The following PLCE1 variants were observed in gnomAD, a reference collection of about 807,000 sequenced individuals.
The protein encoded by PLCE1 is 1-phosphatidylinositol 4,5-bisphosphate phosphodiesterase epsilon-1.
In PLCE1, 119 loss-of-function variants were observed where a neutral mutation model predicts 242.8. That is an observed-to-expected ratio of 0.49 (90% CI 0.42 to 0.57). The LOEUF (loss-of-function observed/expected upper bound fraction) is 0.57. PLCE1 is among the 20% of genes least tolerant of loss of function. The pLI, the probability that PLCE1 is intolerant of heterozygous loss-of-function variation, is 0.00. For synonymous variants in PLCE1, 945 were observed against 1,017.4 expected (o/e 0.93, Z 1.35); for missense variants, 2,441 against 2,788.8 (o/e 0.88, Z 2.81).
chr10:94,036,763 T>G (rs1008933272), intron 2 of PLCE1, among the ~76,000 whole-genome samples: 1 of 152,122 alleles, frequency 6.6e-6, no homozygotes. Context: ...TAGATACATA[T>G]AGTTATCTTG....
Position 94,298,684 on chromosome 10 carries a change from T to A in PLCE1, c.5458+15T>A. 6.2e-7 allele frequency: 1 copy of A among 1,613,686 alleles called. No individual in the cohort carries two copies. Among genetic ancestry groups the A allele is most frequent in the Non-Finnish European group, 8.5e-7 (1 of 1,179,636 alleles). On this transcript the variant is annotated intron_variant, in intron 24 of 32. Transcript: ENST00000371380. This position sits in a 1 kb window ranked among gnomAD's most constrained non-coding sequence, Gnocchi z 5.2. ...CCAGACTGATGGTAAGGGGCCTGCA[T>A]GCTCACCTCGCTCCTTTGCATCTTA... is the stretch of plus-strand genomic sequence containing the variant.
In PLCE1 at chr10:94,298,243, C is replaced by A; in HGVS notation, c.5168-136C>A. 1.3e-6 allele frequency: 1 copy of A among 782,478 alleles called. No individual in the cohort carries two copies. The highest frequency in any genetic ancestry group is 1.7e-5 in the African/African-American group (1 of 58,054). The allele number at this position is 782,478 out of a possible 1,614,324, so 48.5% of individuals were successfully genotyped here. On this transcript the variant is annotated intron_variant, in intron 23 of 32. Coordinates refer to ENST00000371380, the MANE Select transcript of PLCE1 (RefSeq NM_016341.4). The surrounding 1 kb of genome is among the most constrained non-coding windows in gnomAD (Gnocchi z 5.2). ...GTTGTTTTAAAGTGGCGAACTAACT[C>A]ACAAGTAAAATCCAAGAGGTATTCT... is the stretch of plus-strand genomic sequence containing the variant.
intron 2 of PLCE1, among the ~76,000 whole-genome samples, chr10:94,087,679 G>A (rs1256322206): frequency 6.6e-6 from 1 of 152,084 alleles, no homozygotes; most frequent in South Asian, 2.1e-4. Flanking sequence ...CTGACCTCAA[G>A]CCATCCTCCC....
At chr10:94,294,131 A>G (rs1203069449) in intron 23 of PLCE1, among the ~76,000 whole-genome samples, 1 of 152,192 alleles carries the variant, frequency 6.6e-6, no homozygotes, top group African/African-American at 2.4e-5. Context: ...AAATTAAAAA[A>G]TAAAAATAAC....
chr10:94,322,184 T>C, intron 30 of PLCE1, 125 bp downstream of exon 30: 6 of 893,338 alleles, frequency 6.7e-6, no homozygotes, highest in Non-Finnish European at 1.1e-5. Flanking sequence ...CAAAGGGGAG[T>C]GTGTGCCTCT....
chr10:94,162,765 T>A (rs2047659725), intron 3 of PLCE1, among the ~76,000 whole-genome samples: 1 of 152,224 alleles, frequency 6.6e-6, no homozygotes, highest in African/African-American at 2.4e-5. Flanking sequence ...CAATTTTAGA[T>A]CTTTCCTGCT....
Position 94,306,705 on chromosome 10 carries a change from C to T in PLCE1, c.5884+17C>T. ...TAAAACGAGGTAGAATAAAATTGTC[C>T]AAATGTTAATAATTGTTGTAGCTAG... On this transcript the variant is annotated intron_variant, in intron 26 of 32. Transcript: ENST00000371380. The surrounding 1 kb of genome is among the most constrained non-coding windows in gnomAD (Gnocchi z 5.7). 1 of 1,594,542 alleles carries T rather than the reference C, an allele frequency of 6.3e-7. No homozygotes were observed. The highest frequency in any genetic ancestry group is 8.6e-7 in the Non-Finnish European group (1 of 1,164,506).
chr10:94,227,973 A>G (rs918086353), intron 5 of PLCE1, among the ~76,000 whole-genome samples: 8 of 152,234 alleles, frequency 5.3e-5, no homozygotes, highest in Non-Finnish European at 5.9e-5. Flanking sequence ...TTAATTCTCA[A>G]AACAGGTTTA....
rs367701895 is a variant in PLCE1 at position 94,324,996 on chromosome 10, C to T, written c.6825C>T (p.Leu2275=). 1.2e-6 allele frequency: 2 copies of T among 1,614,220 alleles called. No homozygotes were observed. Among genetic ancestry groups the T allele is most frequent in the Non-Finnish European group, 1.7e-6 (2 of 1,180,016 alleles). The change falls in exon 32 of 33, where the codon CTC becomes CTT. Residue 2275 remains leucine (L), a synonymous_variant. Coordinates refer to ENST00000371380, the MANE Select transcript of PLCE1 (RefSeq NM_016341.4). The part of the protein sequence containing the change: ...QPRGLTSPSQ[L]LTSESIQTKE... ...GAGGACTTACATCACCTTCTCAGCT[C>T]TTGACCTCAGAAAGTATCCAAACCA...
At chr10:94,130,140 G>A (rs2046553968) in intron 2 of PLCE1, among the ~76,000 whole-genome samples, 1 of 152,242 alleles carries the variant, frequency 6.6e-6, no homozygotes, top group Non-Finnish European at 1.5e-5. Flanking sequence ...ATGGGACTTA[G>A]TGTGTTGGAG....
chr10:94,051,274 G>A (rs1026645889), intron 2 of PLCE1, among the ~76,000 whole-genome samples: 2 of 106,288 alleles, frequency 1.9e-5, no homozygotes, highest in African/African-American at 4.0e-5. Context: ...GTGATAGAGC[G>A]AGACTCCAAC....
chr10:94,087,960 G>A (rs2044898021), intron 2 of PLCE1, among the ~76,000 whole-genome samples: 1 of 152,240 alleles, frequency 6.6e-6, no homozygotes, highest in Non-Finnish European at 1.5e-5. Context: ...TTTAGGATAT[G>A]CACTTGGGGA....
chr10:94,061,374 A>G (rs750116127), intron 2 of PLCE1, among the ~76,000 whole-genome samples: 10 of 152,218 alleles, frequency 6.6e-5, no homozygotes, highest in Non-Finnish European at 1.2e-4. Flanking sequence ...AACCCATACT[A>G]TGAATCTGTG....
intron 8 of PLCE1, among the ~76,000 whole-genome samples, chr10:94,250,320 G>A (rs939601503): frequency 1.3e-5 from 2 of 151,884 alleles, no homozygotes; most frequent in African/African-American, 4.8e-5. Context: ...TGGCCAACAT[G>A]GTGAAACTCC....
At position 94,279,782 on chromosome 10, in the gene PLCE1, G is replaced by T. The variant is rs757579659; in HGVS notation, c.4666G>T (p.Ala1556Ser). 6 of 1,613,556 alleles carry T rather than the reference G, an allele frequency of 3.7e-6. No homozygotes were observed. Among genetic ancestry groups the T allele is most frequent in the Non-Finnish European group, 5.1e-6 (6 of 1,179,710 alleles). ...GTTTACAATTATTGCTATTTTACAG[G>T]CTCATCAGTTAGCATCTATGCAAGT... ...QTPVDILKQK[A>S]HQLASMQVQA... Residue 1556 changes from alanine (A) to serine (S), a missense_variant and splice_region_variant, in exon 20 of 33, where the codon GCT becomes TCT. This residue lies in a region of PLCE1 where 1,004 missense variants were observed against 1,322.7 expected (regional missense o/e 0.76). Coordinates refer to ENST00000371380, the MANE Select transcript of PLCE1 (RefSeq NM_016341.4).
intron 5 of PLCE1, among the ~76,000 whole-genome samples, chr10:94,228,124 T>C (rs570315383): frequency 1.3e-5 from 2 of 152,360 alleles, no homozygotes; most frequent in African/African-American, 4.8e-5. Context: ...GCTTGACCAC[T>C]ATGATATCCT....
At chr10:94,164,475 G>A (rs1367875261) in intron 3 of PLCE1, among the ~76,000 whole-genome samples, 4 of 152,108 alleles carry the variant, frequency 2.6e-5, no homozygotes, top group Non-Finnish European at 5.9e-5. Flanking sequence ...TCATCACGTA[G>A]TTCTCGTGCC....
In PLCE1 at chr10:94,122,351, A is replaced by G. The variant is rs76112301; in HGVS notation, c.1207-9823A>G. Among the ~76,000 whole-genome samples the G allele has an allele frequency of 6.4e-4, 97 of 152,190 alleles. 2 individuals are homozygous for G. In the East Asian group the frequency reaches 0.015, roughly 24 times the overall value. On this transcript the variant is annotated intron_variant, in intron 2 of 32. Transcript: ENST00000371380. ...CATCACAATCCTAAAAACATAATCC[A>G]TTTGTCCTGATTTGATTTTTTCTTT...
At chr10:94,297,517 G>A (rs1236541051) in intron 23 of PLCE1, among the ~76,000 whole-genome samples, 3 of 138,962 alleles carry the variant, frequency 2.2e-5, no homozygotes, top group Admixed American at 1.5e-4. Context: ...GAGACACAAA[G>A]TGAATACATG....
Sources: gnomAD v4.1 joint callset for allele counts (sites outside exome capture counted in the v4.1 genomes callset) on GRCh38, gnomAD v4.1.1 for gene constraint, gnomAD v4.1.1 regional missense constraint, Gnocchi (gnomAD v3.1) non-coding constraint, MANE v1.5 for transcripts, NCBI Gene and HGNC (gene_info 2026-07-23, HGNC 2026-07-21) for gene names.